Variants in NR3C2 observed in about 807,000 individuals in gnomAD.
NR3C2 encodes nuclear receptor subfamily 3 group C member 2.
NR3C2 carries 15 observed loss-of-function variants against 86.4 expected under a neutral mutation model. The ratio of observed to expected loss-of-function variants is 0.17; its 90% confidence interval spans 0.12 to 0.27. The LOEUF (loss-of-function observed/expected upper bound fraction) is 0.27. NR3C2 is among the 10% of genes least tolerant of loss of function. The pLI, the probability that NR3C2 is intolerant of heterozygous loss-of-function variation, is 1.00. For synonymous variants in NR3C2, 458 were observed against 450.5 expected (o/e 1.02, Z -0.21); for missense variants, 960 against 1,195.6 (o/e 0.80, Z 2.91).
At chr4:148,101,406 A>G (rs1315276062) in intron 8 of NR3C2, among the ~76,000 whole-genome samples, 1 of 152,324 alleles carries the variant, frequency 6.6e-6, no homozygotes, top group Non-Finnish European at 1.5e-5. Flanking sequence ...ATCAAGCACG[A>G]AAGACTGAAG....
At chr4:148,300,270 T>G (rs957233305) in intron 2 of NR3C2, among the ~76,000 whole-genome samples, 1 of 152,158 alleles carries the variant, frequency 6.6e-6, no homozygotes, top group African/African-American at 2.4e-5. Context: ...TTTGACATTC[T>G]ATGTGATCTT....
At chr4:148,151,055 A>G (rs1381897405) in intron 6 of NR3C2, among the ~76,000 whole-genome samples, 2 of 152,148 alleles carry the variant, frequency 1.3e-5, no homozygotes, top group Non-Finnish European at 1.5e-5. Context: ...GGGATGATGA[A>G]AAGTATTGGA....
chr4:148,261,274 C>T (rs1740090407), intron 2 of NR3C2, among the ~76,000 whole-genome samples: 1 of 50,228 alleles, frequency 2.0e-5, no homozygotes, highest in African/African-American at 4.5e-5. Context: ...CTATGGTGCA[C>T]TATGGTAAGC....
chr4:148,434,010 G>A (rs1749920096), intron 2 of NR3C2, among the ~76,000 whole-genome samples: 1 of 152,116 alleles, frequency 6.6e-6, no homozygotes, highest in Non-Finnish European at 1.5e-5. Context: ...AATACATAAA[G>A]TTTTTGCTTT....
In NR3C2 at chr4:148,080,200, G is replaced by A. The variant is rs1223774973; in HGVS notation, c.*1144C>T. 2 of 152,492 alleles carry A rather than the reference G, an allele frequency of 1.3e-5. No individual in the cohort carries two copies. Among genetic ancestry groups the A allele is most frequent in the East Asian group, 1.9e-4 (1 of 5,176 alleles). 9.4% of individuals were successfully genotyped at this position (152,492 alleles called of 1,614,324 possible). ...CACCGCAGTGTGTCATTCCCCGATG[G>A]AGCAGGATGAAGCAGAAGCCAGAAA... is the stretch of plus-strand genomic sequence containing the variant. On this transcript the variant is annotated 3_prime_UTR_variant, in exon 9 of 9. Coordinates refer to ENST00000358102, the MANE Select transcript of NR3C2 (RefSeq NM_000901.5).
At chr4:148,190,168 T>C (rs1317095589) in intron 4 of NR3C2, among the ~76,000 whole-genome samples, 1 of 152,222 alleles carries the variant, frequency 6.6e-6, no homozygotes, top group Admixed American at 6.5e-5. Context: ...GATGTAGGCA[T>C]TCAGGGCTAT....
intron 3 of NR3C2, among the ~76,000 whole-genome samples, chr4:148,241,652 C>G (rs1299201875): frequency 6.6e-6 from 1 of 152,140 alleles, no homozygotes; most frequent in African/African-American, 2.4e-5. Flanking sequence ...TCATCTTTTC[C>G]TTCCCCCACC....
At chr4:148,376,134 C>A in intron 2 of NR3C2, among the ~76,000 whole-genome samples, 7 of 123,488 alleles carry the variant, frequency 5.7e-5, no homozygotes, top group African/African-American at 6.1e-5. Flanking sequence ...TATTCAAGGT[C>A]AGGAGTAAGG....
intron 4 of NR3C2, among the ~76,000 whole-genome samples, chr4:148,182,553 A>G (rs1301913031): frequency 5.3e-5 from 8 of 152,220 alleles, no homozygotes; most frequent in Admixed American, 1.3e-4. Flanking sequence ...AAGATTTTTT[A>G]CCAAAACCCA....
At chr4:148,261,999 A>G (rs904882059) in intron 2 of NR3C2, among the ~76,000 whole-genome samples, 1 of 152,154 alleles carries the variant, frequency 6.6e-6, no homozygotes, top group African/African-American at 2.4e-5. Flanking sequence ...TATTATTTTT[A>G]TTGGTATCCT....
At chr4:148,290,111 G>C (rs775964983) in intron 2 of NR3C2, among the ~76,000 whole-genome samples, 3 of 152,128 alleles carry the variant, frequency 2.0e-5, no homozygotes, top group Non-Finnish European at 4.4e-5. Context: ...AGCAAACTGA[G>C]TTTCTTCCGG....
intron 4 of NR3C2, among the ~76,000 whole-genome samples, chr4:148,170,662 TGGGTGAATTCTATAA>T (rs1735086346): frequency 6.6e-6 from 1 of 152,220 alleles, no homozygotes; most frequent in East Asian, 1.9e-4. Context: ...GCTTTATAGA[TGGGTGAATTCTATAA>T]AAATATTCCA....
Position 148,080,899 on chromosome 4 carries a change from CAAA to C in NR3C2, c.*442_*444del, listed in dbSNP as rs769087750. Reference sequence around the variant, plus strand: ...TTATTTTTTTGTGTTTTTTTAATAACAAAAGAATATTAATGCCCCATATTGACT... The same window carrying C: ...TTATTTTTTTGTGTTTTTTTAATAACAGAATATTAATGCCCCATATTGACT... On this transcript the variant is annotated 3_prime_UTR_variant, in exon 9 of 9. Transcript: ENST00000358102. The C allele has an allele frequency of 4.3e-5, 15 of 352,664 alleles. No homozygotes were observed. The highest frequency in any genetic ancestry group is 6.3e-4 in the Middle Eastern group (1 of 1,584). The allele number at this position is 352,664 out of a possible 1,614,324, so 21.8% of individuals were successfully genotyped here.
At chr4:148,311,997 GGCATGCAT>G (rs1399235151) in intron 2 of NR3C2, among the ~76,000 whole-genome samples, 1 of 152,160 alleles carries the variant, frequency 6.6e-6, no homozygotes, top group Non-Finnish European at 1.5e-5. Flanking sequence ...CTCATGCATG[GGCATGCAT>G]GCACACACAG....
Position 148,310,149 on chromosome 4 carries a change from C to T in NR3C2, c.1758-50032G>A, listed in dbSNP as rs533459560. On this transcript the variant is annotated intron_variant, in intron 2 of 8. Coordinates refer to ENST00000358102, the MANE Select transcript of NR3C2 (RefSeq NM_000901.5). ...AAGATACTTCCTCCTAAACTACTTA[C>T]ATAGACTTATGCTAGAATTTAGATT... 4.6e-5 allele frequency among the ~76,000 whole-genome samples: 7 copies of T among 152,308 alleles called. No individual in the cohort carries two copies. The South Asian group carries it at 1.5e-3, about 32-fold the overall frequency.
chr4:148,412,073 T>C (rs1413475476), intron 2 of NR3C2, among the ~76,000 whole-genome samples: 2 of 152,134 alleles, frequency 1.3e-5, no homozygotes, highest in African/African-American at 2.4e-5. Context: ...CTCTCAAAAG[T>C]GTAAGTTTCC....
rs568382185 is a variant in NR3C2, at chr4:148,227,648, T to C, written c.1897+32330A>G. 2.0e-5 allele frequency among the ~76,000 whole-genome samples: 3 copies of C among 152,328 alleles called. No homozygotes were observed. The South Asian group carries it at 6.2e-4, about 32-fold the overall frequency. On this transcript the variant is annotated intron_variant, in intron 3 of 8. Coordinates refer to ENST00000358102, the MANE Select transcript of NR3C2 (RefSeq NM_000901.5). ...TCTATATTTATTGATGGCATTGCAC[T>C]GTAAGCTGTCCCTTTTTCACCATTG...
chr4:148,221,356 C>T (rs1490434347), intron 3 of NR3C2, among the ~76,000 whole-genome samples: 2 of 152,218 alleles, frequency 1.3e-5, no homozygotes, highest in Admixed American at 6.5e-5. Flanking sequence ...AATTCTTTCT[C>T]ATTCACTGTA....
chr4:148,137,734 G>A (rs1733411977), intron 6 of NR3C2, among the ~76,000 whole-genome samples: 2 of 152,120 alleles, frequency 1.3e-5, no homozygotes, highest in African/African-American at 4.8e-5. Context: ...GAGTCTGTCA[G>A]ATCCTCTTTT....
Sources: gnomAD v4.1 joint callset for allele counts (sites outside exome capture counted in the v4.1 genomes callset) on GRCh38, gnomAD v4.1.1 for gene constraint, MANE v1.5 for transcripts, NCBI Gene and HGNC (gene_info 2026-07-23, HGNC 2026-07-21) for gene names.